The following CARD10 variants were observed in gnomAD, a reference collection of about 807,000 sequenced individuals.
The protein encoded by CARD10 is caspase recruitment domain-containing protein 10.
Under a neutral mutation model 114.6 loss-of-function variants are expected in CARD10, and 49 were observed. That is an observed-to-expected ratio of 0.43 (90% CI 0.34 to 0.54). The LOEUF is 0.54. Among genes scored for constraint, CARD10 ranks in the 20% least tolerant of loss-of-function variants. The pLI is 0.03. For missense variants in CARD10, 1,206 were observed against 1,397.2 expected, an observed-to-expected ratio of 0.86 and a Z score of 2.18; for synonymous variants, 602 against 593.2, an observed-to-expected ratio of 1.01 and a Z score of -0.21.
At chr22:37,511,494 G>A (rs1006354141) in intron 3 of CARD10, among the ~76,000 whole-genome samples, 2 of 149,640 alleles carry the variant, frequency 1.3e-5, no homozygotes, top group Non-Finnish European at 3.0e-5. Context: ...GGGCAGAGTG[G>A]GAGGAGGAAA....
chr22:37,492,882 C>T lies in CARD10; in HGVS notation c.2477-80G>A, dbSNP rs1405681068. The T allele has an allele frequency of 2.8e-6, 4 of 1,443,270 alleles. No individual in the cohort carries two copies. In the African/African-American group the frequency reaches 4.2e-5, roughly 15 times the overall value. The allele number at this position is 1,443,270 out of a possible 1,614,324, so 89.4% of individuals were successfully genotyped here. ...GCTCGTCGATACCCCAAAACCCACCCCGCCACCCATCCCTTCCTAAGTCCT... is the reference window on the plus strand; with the variant it reads ...GCTCGTCGATACCCCAAAACCCACCTCGCCACCCATCCCTTCCTAAGTCCT... On this transcript the variant is annotated intron_variant, in intron 16 of 19. Transcript: ENST00000251973. The surrounding 1 kb of genome is among the most constrained non-coding windows in gnomAD (Gnocchi z 5.7).
chr22:37,494,939 A>C (rs1922938790), intron 15 of CARD10, among the ~76,000 whole-genome samples: 1 of 152,012 alleles, frequency 6.6e-6, no homozygotes, highest in Middle Eastern at 3.2e-3. Flanking sequence ...GCATTGGAAA[A>C]GGGGACATGA....
intron 11 of CARD10, 86 bp from the exon 12 acceptor site, chr22:37,497,264 A>C: frequency 7.0e-7 from 1 of 1,419,474 alleles, no homozygotes; most frequent in Non-Finnish European, 9.6e-7. Flanking sequence ...CAGTGATTTC[A>C]TTTCCCAAGT....
intron 4 of CARD10, 128 bp from the exon 5 acceptor site, chr22:37,508,810 G>C: frequency 8.1e-7 from 1 of 1,241,330 alleles, no homozygotes. Context: ...CTGGCCCGGG[G>C]CCTCGACCCT....
At position 37,519,122 on chromosome 22, in the gene CARD10, G is replaced by A. The variant is rs1196616733; in HGVS notation, c.79C>T (p.Leu27=). The A allele has an allele frequency of 3.2e-6, 5 of 1,575,484 alleles. No homozygotes were observed. Among genetic ancestry groups the A allele is most frequent in the Non-Finnish European group, 4.3e-6 (5 of 1,168,246 alleles). ...CGGACGCCCTCGATTCGCTCCCACA[G>A]CGCGTCCTCCTCCGCCTCAGACCCC... is the stretch of plus-strand genomic sequence containing the variant. The part of the protein sequence containing the change: ...GSGSEAEEDA[L]WERIEGVRHR... Residue 27 remains leucine, a synonymous_variant, in exon 1 of 20, where the codon CTG becomes TTG. Transcript: ENST00000251973. The surrounding 1 kb of genome is among the most constrained non-coding windows in gnomAD (Gnocchi z 4.1).
intron 1 of CARD10, 87 bp from the exon 2 acceptor site, chr22:37,518,195 C>G: frequency 7.5e-7 from 1 of 1,335,894 alleles, no homozygotes; most frequent in African/African-American, 1.4e-5. Flanking sequence ...ATGCTCCAGG[C>G]CCACGTTCCC....
intron 1 of CARD10, 145 bp downstream of exon 1, chr22:37,518,820 TG>T: frequency 2.1e-6 from 2 of 970,206 alleles, no homozygotes; most frequent in Non-Finnish European, 2.9e-6. Flanking sequence ...GGCAGGCTGG[TG>T]GGCATACCCA....
At chr22:37,503,988 C>G in intron 9 of CARD10, 198 bp downstream of exon 9, 1 of 710,024 alleles carries the variant, frequency 1.4e-6, no homozygotes, top group East Asian at 2.7e-5. Flanking sequence ...CTCTGCCCAT[C>G]GGCCTTATCT....
chr22:37,498,309 G>A (rs1311819565), intron 11 of CARD10, among the ~76,000 whole-genome samples: 3 of 152,076 alleles, frequency 2.0e-5, no homozygotes, highest in Non-Finnish European at 4.4e-5. Context: ...CAATTAAGAC[G>A]TCACCAAAAT....
chr22:37,504,326 G>T, intron 8 of CARD10, 25 bp from the exon 9 acceptor site: 1 of 1,463,922 alleles, frequency 6.8e-7, no homozygotes, highest in Non-Finnish European at 9.2e-7. Context: ...CAGGGCCTGG[G>T]TCACCCCCAC....
chr22:37,504,815 A>C, intron 7 of CARD10, 46 bp from the exon 8 acceptor site: 1 of 1,247,938 alleles, frequency 8.0e-7, no homozygotes, highest in Non-Finnish European at 1.1e-6. Context: ...TGCTAGGCCC[A>C]CGTCAACCAC....
intron 15 of CARD10, chr22:37,494,470 T>C: frequency 2.0e-6 from 1 of 490,716 alleles, no homozygotes; most frequent in Non-Finnish European, 3.6e-6. Flanking sequence ...CCCCCCAAGC[T>C]ACAGATGGGG....
At position 37,516,005 on chromosome 22, in the gene CARD10, C is replaced by T. The variant is rs557486061; in HGVS notation, c.667G>A (p.Ala223Thr). 1.3e-6 allele frequency: 2 copies of T among 1,597,232 alleles called. No individual in the cohort carries two copies. Among genetic ancestry groups the T allele is most frequent in the Non-Finnish European group, 1.7e-6 (2 of 1,172,260 alleles). The change falls in exon 3 of 20, where the codon GCT becomes ACT. Residue 223 changes from alanine (A) to threonine (T), a missense_variant. Coordinates refer to ENST00000251973, the MANE Select transcript of CARD10 (RefSeq NM_014550.4). ...LAQLSEEKNS[A>T]VLRSRDLQLA... ...TGCAGGTCACGGCTGCGAAGTACAG[C>T]CGAGTTCTTCTCCTCACTGAGCTGT...
intron 2 of CARD10, 53 bp downstream of exon 2, chr22:37,517,918 G>C: frequency 6.3e-7 from 1 of 1,589,384 alleles, no homozygotes; most frequent in Non-Finnish European, 8.6e-7. Flanking sequence ...GATGGGGAAA[G>C]GAGCCTGTGC....
intron 15 of CARD10, among the ~76,000 whole-genome samples, chr22:37,495,292 G>A (rs1922957154): frequency 6.6e-6 from 1 of 152,200 alleles, no homozygotes; most frequent in Non-Finnish European, 1.5e-5. Context: ...TGTACCAGGG[G>A]TACTCCTGCA....
chr22:37,494,032 C>A, intron 16 of CARD10, 54 bp downstream of exon 16: 1 of 1,306,174 alleles, frequency 7.7e-7, no homozygotes, highest in South Asian at 1.3e-5. Context: ...CAGCTGCACA[C>A]ATCCCTGGAC....
chr22:37,518,396 C>G (rs1923913302), intron 1 of CARD10, among the ~76,000 whole-genome samples: 1 of 152,184 alleles, frequency 6.6e-6, no homozygotes, highest in South Asian at 2.1e-4. Context: ...CACAGAGAAG[C>G]CCCCTCTATC....
At chr22:37,515,804 C>A (rs894632633) in intron 3 of CARD10, among the ~76,000 whole-genome samples, 169 bp downstream of exon 3, 6 of 152,164 alleles carry the variant, frequency 3.9e-5, no homozygotes, top group African/African-American at 1.4e-4. Context: ...AATCACCCCC[C>A]ATTGAGAACC....
Position 37,510,427 on chromosome 22 carries a change from G to T in CARD10, c.700-6C>A, listed in dbSNP as rs754730448. On this transcript the variant is annotated splice_region_variant and splice_polypyrimidine_tract_variant and intron_variant, in intron 3 of 19. Coordinates refer to ENST00000251973, the MANE Select transcript of CARD10 (RefSeq NM_014550.4). ...TTGAGCTTGAGCTGATCCACCTGGAGCCCAAGACATGGGTCAGCCCAGAGG... is the reference window on the plus strand; with the variant it reads ...TTGAGCTTGAGCTGATCCACCTGGATCCCAAGACATGGGTCAGCCCAGAGG... 5.6e-6 allele frequency: 9 copies of T among 1,613,164 alleles called. No individual in the cohort carries two copies. In the Admixed American group the frequency reaches 1.0e-4, roughly 18 times the overall value.
Sources: allele counts gnomAD v4.1 joint callset (sites outside exome capture counted in the v4.1 genomes callset), GRCh38; gene constraint gnomAD v4.1.1; non-coding constraint Gnocchi (gnomAD v3.1); transcripts MANE v1.5; gene names NCBI Gene and HGNC (gene_info 2026-07-23, HGNC 2026-07-21).